The following TMEM184B variants were observed in gnomAD, a reference collection of about 807,000 sequenced individuals.
TMEM184B encodes putative MAPK-activating protein FM08.
A neutral mutation model predicts 41.8 loss-of-function variants in TMEM184B; 17 were observed. The ratio of observed to expected loss-of-function variants is 0.41; its 90% CI spans 0.28 to 0.61. TMEM184B has a LOEUF of 0.61. TMEM184B is among the 20% of genes least tolerant of loss of function. The probability of loss-of-function intolerance (pLI) is 0.34; values close to 1 mark genes in which losing one functional copy is unlikely to be tolerated. For missense variants in TMEM184B, 393 were observed against 557.8 expected (o/e 0.70, Z 2.98); for synonymous variants, 240 against 229.5 (o/e 1.05, Z -0.41).
rs551466467 is a variant in TMEM184B, at chr22:38,231,711, A to T, written c.359-377T>A. 3.2e-4 allele frequency: 127 copies of T among 391,134 alleles called. 2 individuals are homozygous for T. Among genetic ancestry groups the T allele is most frequent in the African/African-American group, 2.4e-3 (117 of 48,354 alleles). The allele number at this position is 391,134 out of a possible 1,614,324, so 24.2% of individuals were successfully genotyped here. ...CCTGGGGCGAAACAGTATTGCCTTT[A>T]TTAGTTTTTCCGGGCGCAGTGGCAT... On this transcript the variant is annotated intron_variant, in intron 3 of 8. Transcript: ENST00000361906.
chr22:38,233,486 C>T (rs903407224), intron 3 of TMEM184B, among the ~76,000 whole-genome samples: 2 of 152,202 alleles, frequency 1.3e-5, no homozygotes, highest in African/African-American at 4.8e-5. Context: ...CCTGCAGGGC[C>T]AGGAGCCCCT....
At chr22:38,222,820 GC>G in intron 8 of TMEM184B, 1 of 590,484 alleles carries the variant, frequency 1.7e-6, no homozygotes, top group Non-Finnish European at 2.1e-6. Context: ...ACCCCCCCAG[GC>G]CCCACAGGGC....
chr22:38,266,391 A>G (rs1324705769), intron 1 of TMEM184B, among the ~76,000 whole-genome samples: 3 of 152,262 alleles, frequency 2.0e-5, no homozygotes, highest in African/African-American at 4.8e-5. Flanking sequence ...GGGTACGAAT[A>G]GCGCCCCTTG....
chr22:38,272,749 G>A (rs2092544410), intron 1 of TMEM184B, 135 bp downstream of exon 1: 1 of 985,142 alleles, frequency 1.0e-6, no homozygotes, highest in Non-Finnish European at 1.2e-6. Context: ...CCTCCGTAGT[G>A]CCCTCCCCGC....
At chr22:38,262,979 T>C (rs2092392976) in intron 1 of TMEM184B, among the ~76,000 whole-genome samples, 2 of 152,218 alleles carry the variant, frequency 1.3e-5, no homozygotes, top group Non-Finnish European at 2.9e-5. Context: ...CTTGGCTCAC[T>C]GTAAACTCAG....
chr22:38,271,659 T>G (rs963624724), intron 1 of TMEM184B, among the ~76,000 whole-genome samples: 1 of 152,206 alleles, frequency 6.6e-6, no homozygotes, highest in Non-Finnish European at 1.5e-5. Flanking sequence ...CGTGATCACC[T>G]GTTTCCAAAT....
chr22:38,252,291 G>T (rs1428672638), intron 1 of TMEM184B, among the ~76,000 whole-genome samples: 1 of 152,208 alleles, frequency 6.6e-6, no homozygotes, highest in African/African-American at 2.4e-5. Flanking sequence ...GAGCTCCTGG[G>T]CTCAAGCGAT....
intron 3 of TMEM184B, among the ~76,000 whole-genome samples, chr22:38,241,984 AAAC>A (rs766185192): frequency 8.0e-5 from 10 of 124,696 alleles, no homozygotes; most frequent in Admixed American, 2.7e-4. Flanking sequence ...ACTGAAAAAC[AAAC>A]AACAACAAAA....
chr22:38,269,274 G>A (rs1225277017), intron 1 of TMEM184B, among the ~76,000 whole-genome samples: 1 of 152,206 alleles, frequency 6.6e-6, no homozygotes, highest in Non-Finnish European at 1.5e-5. Flanking sequence ...AGACTGGAGT[G>A]TAGTGGCACT....
intron 3 of TMEM184B, among the ~76,000 whole-genome samples, chr22:38,234,048 CG>C (rs1348895335): frequency 1.3e-5 from 2 of 150,654 alleles, no homozygotes; most frequent in Non-Finnish European, 2.9e-5. Context: ...AGATGACAGG[CG>C]TGAGCCACCG....
At chr22:38,256,977 G>GTTTTTTT (rs777863582) in intron 1 of TMEM184B, among the ~76,000 whole-genome samples, 1 of 124,288 alleles carries the variant, frequency 8.0e-6, no homozygotes, top group Non-Finnish European at 1.7e-5. Flanking sequence ...GACATTAATA[G>GTTTTTTT]TTTTTTTTTT....
rs1602446179 is a variant in TMEM184B, at chr22:38,248,020, C to T, written c.-58-1G>A. 2 of 1,493,358 alleles carry T rather than the reference C, an allele frequency of 1.3e-6. No homozygotes were observed. Among genetic ancestry groups the T allele is most frequent in the Non-Finnish European group, 1.8e-6 (2 of 1,124,026 alleles). The allele number at this position is 1,493,358 out of a possible 1,614,324, so 92.5% of individuals were successfully genotyped here. A position where few individuals can be genotyped will look rare whatever the true frequency, so the allele number is the denominator to read the frequency against. ...CCTTTGCAGAAAGTGACAAGCTAGC[C>T]TAGAGAGAAGAAATTGCAATGTGAG... On this transcript the variant is annotated splice_acceptor_variant, in intron 1 of 8. Coordinates refer to ENST00000361906, the MANE Select transcript of TMEM184B (RefSeq NM_012264.5). LOFTEE classifies it low-confidence loss of function (5UTR_SPLICE).
chr22:38,272,544 C>T (rs1378075591), intron 1 of TMEM184B: 2 of 985,672 alleles, frequency 2.0e-6, no homozygotes, highest in Non-Finnish European at 2.4e-6. Flanking sequence ...GCACACAATC[C>T]CTCTTGCAAA....
chr22:38,260,200 A>C (rs1023351849), intron 1 of TMEM184B, among the ~76,000 whole-genome samples: 2 of 151,658 alleles, frequency 1.3e-5, no homozygotes, highest in Non-Finnish European at 2.9e-5. Context: ...GATCCACCAC[A>C]CCCGGCCAAA....
At position 38,221,695 on chromosome 22, in the gene TMEM184B, A is replaced by G; in HGVS notation, c.998T>C (p.Met333Thr). The change falls in exon 9 of 9, where the codon ATG (methionine) becomes ACG (threonine). Residue 333 changes from methionine to threonine, a missense_variant. This residue lies in a region of TMEM184B where 271 missense variants were observed against 434.1 expected (regional missense o/e 0.62). Transcript: ENST00000361906. ...RLDAQGRCAP[M>T]KSISSSLKET... ...CTTGAGGCTGCTGGAGATGCTCTTC[A>G]TGGGGGCACAGCGGCCTGCCGGGCA... is the stretch of plus-strand genomic sequence containing the variant. 2 of 1,613,712 alleles carry G rather than the reference A, an allele frequency of 1.2e-6. No individual in the cohort carries two copies. Among genetic ancestry groups the G allele is most frequent in the Non-Finnish European group, 1.7e-6 (2 of 1,179,878 alleles).
At chr22:38,242,624 G>T (rs995854290) in intron 3 of TMEM184B, among the ~76,000 whole-genome samples, 6 of 152,264 alleles carry the variant, frequency 3.9e-5, no homozygotes, top group African/African-American at 1.4e-4. Context: ...GCACTGAGAA[G>T]GAAGGGTGAG....
rs576124959 is a variant in TMEM184B, at chr22:38,222,457, C to T, written c.983-747G>A. 1.3e-3 allele frequency: 369 copies of T among 283,168 alleles called. 1 individual carries two copies. The highest frequency in any genetic ancestry group is 1.8e-3 in the Non-Finnish European group (337 of 187,852). 17.5% of individuals were successfully genotyped at this position (283,168 alleles called of 1,614,324 possible). A position where few individuals can be genotyped will look rare whatever the true frequency, so the allele number is the denominator to read the frequency against. On this transcript the variant is annotated intron_variant, in intron 8 of 8. Transcript: ENST00000361906. The stretch of plus-strand genomic sequence containing the variant: ...GCGGGGCATATTCCAGAACGAGAAA[C>T]GAGGACGGAAGCAGGCAAGCTCTAC...
intron 1 of TMEM184B, among the ~76,000 whole-genome samples, chr22:38,271,514 G>A (rs931384253): frequency 6.6e-6 from 1 of 152,180 alleles, no homozygotes; most frequent in South Asian, 2.1e-4. Flanking sequence ...TCAGATGAAC[G>A]TCAGTCATCC....
chr22:38,230,621 G>T, intron 5 of TMEM184B, 48 bp downstream of exon 5: 1 of 1,575,068 alleles, frequency 6.3e-7, no homozygotes, highest in East Asian at 2.3e-5. Context: ...GGGCCTCCCA[G>T]ACCCCGCCCT....
Sources: gnomAD v4.1 joint callset for allele counts (sites outside exome capture counted in the v4.1 genomes callset) on GRCh38, gnomAD v4.1.1 for gene constraint, gnomAD v4.1.1 regional missense constraint, MANE v1.5 for transcripts, NCBI Gene and HGNC (gene_info 2026-07-23, HGNC 2026-07-21) for gene names.